CUL5: variants seen among roughly 807,000 people sequenced by gnomAD.
CUL5 encodes cullin 5.
Under a neutral mutation model 108.8 loss-of-function variants are expected in CUL5, and 26 were observed. The ratio of observed to expected loss-of-function variants is 0.24; its 90% CI spans 0.18 to 0.33. The LOEUF (loss-of-function observed/expected upper bound fraction) is 0.33. Ranked by LOEUF, CUL5 falls within the 10% of genes least tolerant of loss-of-function variation. The pLI is 1.00. For missense variants in CUL5, 524 were observed against 909.2 expected (o/e 0.58, Z 5.45); for synonymous variants, 334 against 298.0 (o/e 1.12, Z -1.25).
At chr11:108,091,695 TCACACACACACACACA>T (rs71303233) in intron 13 of CUL5, among the ~76,000 whole-genome samples, 4 of 138,096 alleles carry the variant, frequency 2.9e-5, no homozygotes, top group African/African-American at 5.6e-5. Context: ...TCTCTCTCAC[TCACACACACACACACA>T]CACACACACA....
At chr11:108,046,186 A>G in intron 2 of CUL5, 84 bp from the exon 3 acceptor site, 1 of 967,156 alleles carries the variant, frequency 1.0e-6, no homozygotes, top group East Asian at 2.6e-5. Context: ...TGGCCCATGG[A>G]AACTGTACTG....
Position 108,094,450 on chromosome 11 carries a change from A to G in CUL5, c.1503A>G (p.Lys501=), listed in dbSNP as rs780982277. The change falls in exon 14 of 19, where the codon AAA becomes AAG. Residue 501 remains lysine (K), a synonymous_variant. Coordinates refer to ENST00000393094, the MANE Select transcript of CUL5 (RefSeq NM_003478.6). ...NKLARMFQDI[K]VSEDLNQAFK... is the part of the protein sequence containing the mutation. ...TTGCTAGAATGTTTCAGGACATAAA[A>G]GTATCTGAAGATTTGAACCAAGCTT... The G allele has an allele frequency of 5.1e-6, 8 of 1,573,900 alleles. No individual in the cohort carries two copies. Among genetic ancestry groups the G allele is most frequent in the Non-Finnish European group, 6.9e-6 (8 of 1,155,632 alleles).
At chr11:108,039,289 G>A (rs1202844120) in intron 2 of CUL5, among the ~76,000 whole-genome samples, 2 of 152,080 alleles carry the variant, frequency 1.3e-5, no homozygotes, top group Admixed American at 1.3e-4. Flanking sequence ...CAAAGTGCTG[G>A]GATTACAGGC....
intron 13 of CUL5, 56 bp from the exon 14 acceptor site, chr11:108,094,335 G>A: frequency 1.5e-6 from 2 of 1,320,916 alleles, no homozygotes; most frequent in African/African-American, 1.5e-5. Context: ...ATTTTTCCCA[G>A]TAATATATCA....
intron 2 of CUL5, among the ~76,000 whole-genome samples, chr11:108,034,387 C>T (rs191584752): frequency 6.6e-6 from 1 of 152,246 alleles, no homozygotes; most frequent in Non-Finnish European, 1.5e-5. Context: ...TCAGTGTAAA[C>T]CATATTGTTT....
At chr11:108,015,270 G>A (rs1278393803) in intron 1 of CUL5, among the ~76,000 whole-genome samples, 1 of 152,178 alleles carries the variant, frequency 6.6e-6, no homozygotes, top group Non-Finnish European at 1.5e-5. Context: ...ATGAAGCAAG[G>A]GAGCAAGTCA....
At chr11:108,016,114 C>T (rs1012525324) in intron 1 of CUL5, among the ~76,000 whole-genome samples, 1 of 152,168 alleles carries the variant, frequency 6.6e-6, no homozygotes, top group African/African-American at 2.4e-5. Context: ...TGGGATCTCA[C>T]CATATTGCCC....
Position 108,022,277 on chromosome 11 carries a change from TGTAAA to T in CUL5, c.25-11520_25-11516del, listed in dbSNP as rs147114103. Among the ~76,000 whole-genome samples the T allele has an allele frequency of 2.5e-3, 381 of 152,334 alleles. 2 individuals carry two copies. Among genetic ancestry groups the T allele is most frequent in the African/African-American group, 8.5e-3 (353 of 41,572 alleles). ...TAGGTCAACATTTGTATTATTTTGT[TGTAAA>T]GTAAGTGAATTATTTAAAAATGATT... On this transcript the variant is annotated intron_variant, in intron 1 of 18. Transcript: ENST00000393094.
At chr11:108,068,750 G>T (rs1863752680) in intron 7 of CUL5, among the ~76,000 whole-genome samples, 1 of 152,088 alleles carries the variant, frequency 6.6e-6, no homozygotes, top group East Asian at 1.9e-4. Context: ...CATGACACGA[G>T]GGAGCAGAGA....
chr11:108,104,150 T>C, intron 18 of CUL5, 40 bp from the exon 19 acceptor site: 2 of 1,323,076 alleles, frequency 1.5e-6, no homozygotes, highest in Non-Finnish European at 2.1e-6. Context: ...TAAAATAATT[T>C]CGTATATTAA....
At chr11:108,072,112 A>G (rs1228709209) in intron 8 of CUL5, among the ~76,000 whole-genome samples, 2 of 152,124 alleles carry the variant, frequency 1.3e-5, no homozygotes, top group Non-Finnish European at 2.9e-5. Context: ...CCAAGAGGTC[A>G]AGGCTGCAGT....
At chr11:108,082,638 AT>A (rs907597571) in intron 11 of CUL5, among the ~76,000 whole-genome samples, 2 of 147,466 alleles carry the variant, frequency 1.4e-5, no homozygotes, top group South Asian at 2.2e-4. Context: ...AACACAACTG[AT>A]TTTTTTTTCT....
At chr11:108,041,765 T>A (rs1270833871) in intron 2 of CUL5, among the ~76,000 whole-genome samples, 1 of 152,064 alleles carries the variant, frequency 6.6e-6, no homozygotes, top group Non-Finnish European at 1.5e-5. Flanking sequence ...TAATTTTTCG[T>A]ATTTTTAGTG....
In CUL5 at chr11:108,061,866, G is replaced by A. The variant is rs1354263750; in HGVS notation, c.780+6911G>A. Among the ~76,000 whole-genome samples, 4 of 151,984 alleles carry A rather than the reference G, an allele frequency of 2.6e-5. No individual in the cohort carries two copies. In the South Asian group the frequency reaches 8.3e-4, roughly 32 times the overall value. ...TAAAATCATGGCAGAAGGCAAAGGG[G>A]AGGCAAGGCACATCTTATGTGGCAG... On this transcript the variant is annotated intron_variant, in intron 7 of 18. Coordinates refer to ENST00000393094, the MANE Select transcript of CUL5 (RefSeq NM_003478.6).
chr11:108,087,348 A>T (rs984937445), intron 11 of CUL5, among the ~76,000 whole-genome samples: 2 of 152,342 alleles, frequency 1.3e-5, no homozygotes, highest in East Asian at 1.9e-4. Flanking sequence ...GATTATTTGT[A>T]TACTTAAAAT....
Position 108,088,087 on chromosome 11 carries a change from T to C in CUL5, c.1179-440T>C, listed in dbSNP as rs1037377140. 3.3e-5 allele frequency among the ~76,000 whole-genome samples: 5 copies of C among 152,264 alleles called. No homozygotes were observed. In the East Asian group the frequency reaches 9.6e-4, roughly 29 times the overall value. ...CATGATGGTATATATATCATCATTA[T>C]GGAATGTAGGTTATATTGGATACAT... On this transcript the variant is annotated intron_variant, in intron 11 of 18. Coordinates refer to ENST00000393094, the MANE Select transcript of CUL5 (RefSeq NM_003478.6).
chr11:108,026,058 T>TTGG (rs1364755303), intron 1 of CUL5, among the ~76,000 whole-genome samples: 1 of 152,176 alleles, frequency 6.6e-6, no homozygotes, highest in African/African-American at 2.4e-5. Flanking sequence ...AGAAGTCTCT[T>TTGG]TCTCTTTTCA....
chr11:108,079,879 G>A (rs1320747592), intron 11 of CUL5, among the ~76,000 whole-genome samples: 1 of 152,014 alleles, frequency 6.6e-6, no homozygotes, highest in African/African-American at 2.4e-5. Context: ...CTTTCATTCT[G>A]CATTGTGTTT....
intron 18 of CUL5, among the ~76,000 whole-genome samples, chr11:108,099,098 G>A (rs574288287): frequency 6.8e-6 from 1 of 146,600 alleles, no homozygotes; most frequent in East Asian, 2.0e-4. Flanking sequence ...TCAACTCCCT[G>A]GGCTCAAAGG....
Sources: allele counts gnomAD v4.1 joint callset (sites outside exome capture counted in the v4.1 genomes callset), GRCh38; gene constraint gnomAD v4.1.1; transcripts MANE v1.5; gene names NCBI Gene and HGNC (gene_info 2026-07-23, HGNC 2026-07-21).